Variants in PLEKHA8 observed in about 807,000 individuals in gnomAD.
PLEKHA8 encodes pleckstrin homology domain containing A8.
PLEKHA8 carries 36 observed loss-of-function variants against 68.2 expected under a neutral mutation model. That is an observed-to-expected ratio of 0.53 (90% CI 0.40 to 0.70). The LOEUF (loss-of-function observed/expected upper bound fraction) is 0.70. Ranked by LOEUF, PLEKHA8 falls within the 30% of genes least tolerant of loss-of-function variation. The pLI is 0.00. For missense variants in PLEKHA8, 505 were observed against 615.4 expected, an observed-to-expected ratio of 0.82 and a Z score of 1.90; for synonymous variants, 211 against 216.1, an observed-to-expected ratio of 0.98 and a Z score of 0.20.
chr7:30,116,115 C>T (rs1205341386), intron 13 of PLEKHA8: 6 of 149,954 alleles, frequency 4.0e-5, no homozygotes, highest in Non-Finnish European at 7.4e-5. Context: ...CATACATACA[C>T]GTATACATGT....
At chr7:30,086,785 C>T (rs1346675447), downstream of PLEKHA8, among the ~76,000 whole-genome samples, 2 of 152,072 alleles carry the variant, frequency 1.3e-5, no homozygotes, top group Non-Finnish European at 2.9e-5. Flanking sequence ...TTTTCTTTCA[C>T]TCTTGTTGGT....
chr7:30,061,703 AT>A (rs1215812364), intron 10 of PLEKHA8, among the ~76,000 whole-genome samples, 193 bp from the exon 11 acceptor site: 10 of 152,346 alleles, frequency 6.6e-5, no homozygotes, highest in Non-Finnish European at 1.2e-4. Context: ...CCCTGAGACT[AT>A]TTAATTCCAG....
intron 1 of PLEKHA8, among the ~76,000 whole-genome samples, chr7:30,035,227 A>T (rs1790978050): frequency 6.6e-6 from 1 of 152,210 alleles, no homozygotes; most frequent in South Asian, 2.1e-4. Context: ...CAAGTTACTT[A>T]ATCTTCCTGA....
At chr7:30,115,698 A>C (rs142262965) in intron 13 of PLEKHA8, 1 of 145,478 alleles carries the variant, frequency 6.9e-6, no homozygotes, top group African/African-American at 2.6e-5. Flanking sequence ...GCATACACGT[A>C]TACATGTATA....
At chr7:30,095,857 G>A (rs1324816298) in intron 13 of PLEKHA8, among the ~76,000 whole-genome samples, 1 of 152,138 alleles carries the variant, frequency 6.6e-6, no homozygotes, top group African/African-American at 2.4e-5. Flanking sequence ...TTATTTCTGA[G>A]GGCTCTGTAC....
chr7:30,044,953 T>G, intron 1 of PLEKHA8, 132 bp from the exon 2 acceptor site: 1 of 547,610 alleles, frequency 1.8e-6, no homozygotes, highest in Non-Finnish European at 3.2e-6. Context: ...ATTCTTTCTC[T>G]TAGAATATCC....
At chr7:30,033,637 G>T (rs1043512153) in intron 1 of PLEKHA8, among the ~76,000 whole-genome samples, 1 of 152,142 alleles carries the variant, frequency 6.6e-6, no homozygotes, top group African/African-American at 2.4e-5. Context: ...GTATAGACAT[G>T]ATTTCATTTC....
At chr7:30,058,095 C>G (rs1182034516) in intron 9 of PLEKHA8, among the ~76,000 whole-genome samples, 2 of 152,068 alleles carry the variant, frequency 1.3e-5, no homozygotes, top group African/African-American at 2.4e-5. Context: ...CCATCCCTAT[C>G]TCTTCCATTG....
chr7:30,035,946 A>G (rs1782483173), intron 1 of PLEKHA8, among the ~76,000 whole-genome samples: 1 of 150,772 alleles, frequency 6.6e-6, no homozygotes, highest in South Asian at 2.2e-4. Flanking sequence ...TCGCCCGGCC[A>G]TATATTCTTA....
intron 13 of PLEKHA8, among the ~76,000 whole-genome samples, chr7:30,098,314 C>G (rs1795711804): frequency 6.6e-6 from 1 of 152,240 alleles, no homozygotes; most frequent in African/African-American, 2.4e-5. Flanking sequence ...TCTCAGATCT[C>G]CAGCTGCGTG....
intron 13 of PLEKHA8, 113 bp downstream of exon 13, chr7:30,074,245 G>GT: frequency 4.8e-6 from 3 of 627,478 alleles, no homozygotes; most frequent in Non-Finnish European, 2.5e-6. Context: ...CAGAAACAAA[G>GT]TTGTGTGTGT....
intron 2 of PLEKHA8, among the ~76,000 whole-genome samples, chr7:30,045,668 G>A (rs1295167625): frequency 6.6e-6 from 1 of 152,146 alleles, no homozygotes; most frequent in Non-Finnish European, 1.5e-5. Flanking sequence ...AAGAAAAACA[G>A]ATTAAATGGG....
rs1029240530 is a variant in PLEKHA8, at chr7:30,081,006, G to C, written c.*2219G>C. ...CAGGTGAACTCTGTGGTCTCTTGGA[G>C]AGGTAGCACTCTGAAAATACCTCAG... On this transcript the variant is annotated 3_prime_UTR_variant, in exon 14 of 14. Transcript: ENST00000449726. 1.3e-5 allele frequency: 13 copies of C among 985,214 alleles called. No homozygotes were observed. The Admixed American group carries it at 7.4e-4, about 56-fold the overall frequency. The allele number at this position is 985,214 out of a possible 1,614,324, so 61.0% of individuals were successfully genotyped here.
chr7:30,129,866 A>G (rs1400854615), downstream of PLEKHA8: 1 of 156,160 alleles, frequency 6.4e-6, no homozygotes, highest in Admixed American at 6.2e-5. Flanking sequence ...CTAATGCCCA[A>G]ATGTTTCCAT....
intron 13 of PLEKHA8, among the ~76,000 whole-genome samples, chr7:30,077,426 G>T (rs1794674990): frequency 6.6e-6 from 1 of 152,126 alleles, no homozygotes; most frequent in Non-Finnish European, 1.5e-5. Flanking sequence ...CCACTCGCTT[G>T]TACTTTGACC....
intron 13 of PLEKHA8, chr7:30,118,160 C>T: frequency 1.5e-6 from 1 of 653,226 alleles, no homozygotes; most frequent in Non-Finnish European, 2.3e-6. Context: ...CCCCGAGATG[C>T]CTCCTGGAGA....
At position 30,080,025 on chromosome 7, in the gene PLEKHA8, C is replaced by A. The variant is rs1314551184; in HGVS notation, c.*1238C>A. 4 of 985,034 alleles carry A rather than the reference C, an allele frequency of 4.1e-6. No individual in the cohort carries two copies. In the African/African-American group the frequency reaches 7.0e-5, roughly 17 times the overall value. 61.0% of individuals were successfully genotyped at this position (985,034 alleles called of 1,614,324 possible). On this transcript the variant is annotated 3_prime_UTR_variant, in exon 14 of 14. Transcript: ENST00000449726. ...CCAGCATTGACACCCAGCCAGCAGG[C>A]CTTTGCATTGCATTCGGGGACCATG...
chr7:30,108,205 A>T (rs971756465), intron 13 of PLEKHA8, among the ~76,000 whole-genome samples: 1 of 152,128 alleles, frequency 6.6e-6, no homozygotes, highest in South Asian at 2.1e-4. Context: ...GTTGAATCCA[A>T]TTTGGTAATG....
chr7:30,100,383 T>A (rs1490728750), intron 13 of PLEKHA8, among the ~76,000 whole-genome samples: 1 of 152,018 alleles, frequency 6.6e-6, no homozygotes, highest in Non-Finnish European at 1.5e-5. Flanking sequence ...AAACCCTGTC[T>A]CTACTAAAAT....
Sources: gnomAD v4.1 joint callset for allele counts (sites outside exome capture counted in the v4.1 genomes callset) on GRCh38, gnomAD v4.1.1 for gene constraint, MANE v1.5 for transcripts, NCBI Gene and HGNC (gene_info 2026-07-23, HGNC 2026-07-21) for gene names.